Variants in LGSN observed in about 807,000 individuals in gnomAD.
LGSN encodes the protein lengsin, lens protein with glutamine synthetase domain.
A neutral mutation model predicts 19.5 loss-of-function variants in LGSN; 21 were observed. That is an observed-to-expected ratio of 1.07 (90% CI 0.76 to 1.55). The LOEUF (loss-of-function observed/expected upper bound fraction) is 1.55, where lower values mean the gene tolerates loss of function less well. LGSN is among the 40% of genes most tolerant of loss of function. The pLI, the probability that LGSN is intolerant of heterozygous loss-of-function variation, is 0.00. For synonymous variants in LGSN, 257 were observed against 215.6 expected, an observed-to-expected ratio of 1.19 and a Z score of -1.68; for missense variants, 673 against 608.5, an observed-to-expected ratio of 1.11 and a Z score of -1.12.
the LGSN span, chr6:63,571,328 A>T: frequency 1.3e-5 from 2 of 152,244 alleles, no homozygotes; most frequent in Non-Finnish European, 2.9e-5. Flanking sequence ...ATACTCGGTG[A>T]AAATAACAAA....
chr6:63,487,310 A>T, the LGSN span, among the ~76,000 whole-genome samples: 1 of 152,162 alleles, frequency 6.6e-6, no homozygotes, highest in Non-Finnish European at 1.5e-5. Context: ...CTGCCTTCTG[A>T]CACAGAAAGA....
the LGSN span, among the ~76,000 whole-genome samples, chr6:63,343,242 C>G: frequency 6.6e-6 from 1 of 152,112 alleles, no homozygotes; most frequent in Non-Finnish European, 1.5e-5. Context: ...GTCCTATTCA[C>G]GTTTTAACCC....
the LGSN span, among the ~76,000 whole-genome samples, chr6:63,390,716 G>A: frequency 4.0e-5 from 6 of 151,474 alleles, no homozygotes; most frequent in Non-Finnish European, 7.4e-5. Context: ...AAAAGTAGCC[G>A]GGCGAGGTGG....
the LGSN span, among the ~76,000 whole-genome samples, chr6:63,456,253 A>C: frequency 6.6e-6 from 1 of 150,456 alleles, no homozygotes; most frequent in Non-Finnish European, 1.5e-5. Context: ...AAGTTAAAAA[A>C]TTAAAACTCA....
the LGSN span, among the ~76,000 whole-genome samples, chr6:63,347,172 A>C: frequency 6.6e-6 from 1 of 152,214 alleles, no homozygotes; most frequent in Non-Finnish European, 1.5e-5. Flanking sequence ...ATCTGGTGTC[A>C]GAAGTGAGGA....
chr6:63,563,438 C>T, the LGSN span, among the ~76,000 whole-genome samples: 104 of 152,318 alleles, frequency 6.8e-4, 1 homozygote, highest in Admixed American at 1.6e-3. Context: ...CTTCCTCCCC[C>T]TCTTTTTGTG....
At chr6:63,508,780 G>C in the LGSN span, among the ~76,000 whole-genome samples, 1 of 151,630 alleles carries the variant, frequency 6.6e-6, no homozygotes, top group Non-Finnish European at 1.5e-5. Flanking sequence ...TTAGGCGGGC[G>C]TGGTGGTGCA....
the LGSN span, among the ~76,000 whole-genome samples, chr6:63,343,803 C>T: frequency 1.3e-5 from 2 of 152,136 alleles, no homozygotes; most frequent in Admixed American, 1.3e-4. Flanking sequence ...CTAATCATAT[C>T]CCATGAGCCT....
rs1299186005 is a variant in LGSN at position 63,281,152 on chromosome 6, A to G, written c.399T>C (p.Asn133=). 2 of 1,613,102 alleles carry G rather than the reference A, an allele frequency of 1.2e-6. No individual in the cohort carries two copies. The highest frequency in any genetic ancestry group is 1.7e-6 in the Non-Finnish European group (2 of 1,179,740). ...YLEVIPNPKD[N]EMNNIRATCF... ...ATGTGGCTCTTATGTTATTCATTTCATTGTCCTTTGGATTTGGTATCACTT... is the reference window on the plus strand; with the variant it reads ...ATGTGGCTCTTATGTTATTCATTTCGTTGTCCTTTGGATTTGGTATCACTT... Residue 133 remains asparagine, a synonymous_variant, in exon 4 of 4, where the codon AAT becomes AAC. Transcript: ENST00000370657.
At chr6:63,554,289 T>C in the LGSN span, among the ~76,000 whole-genome samples, 2 of 152,242 alleles carry the variant, frequency 1.3e-5, no homozygotes, top group Non-Finnish European at 2.9e-5. Context: ...TCAAAGTATA[T>C]GAAAAGCATT....
At chr6:63,430,487 C>T in the LGSN span, among the ~76,000 whole-genome samples, 1 of 152,090 alleles carries the variant, frequency 6.6e-6, no homozygotes, top group African/African-American at 2.4e-5. Flanking sequence ...CTCGTAGGTT[C>T]AAGCAATTCT....
chr6:63,573,514 G>C, the LGSN span: 1 of 152,198 alleles, frequency 6.6e-6, no homozygotes, highest in South Asian at 2.1e-4. Flanking sequence ...GGGGCGCAGC[G>C]GGCGTGCTCG....
intron 3 of LGSN, 75 bp downstream of exon 3, chr6:63,285,512 A>G (rs1055358275): frequency 8.6e-7 from 1 of 1,157,522 alleles, no homozygotes; most frequent in Non-Finnish European, 1.2e-6. Flanking sequence ...ACAAGAAAAT[A>G]AGAAAGAGTA....
the LGSN span, among the ~76,000 whole-genome samples, chr6:63,503,316 A>G: frequency 6.1e-4 from 93 of 152,346 alleles, no homozygotes; most frequent in African/African-American, 2.1e-3. Flanking sequence ...TAGTTCATTT[A>G]TGGAAAGGAA....
At chr6:63,413,558 G>A in the LGSN span, among the ~76,000 whole-genome samples, 1 of 152,110 alleles carries the variant, frequency 6.6e-6, no homozygotes, top group African/African-American at 2.4e-5. Flanking sequence ...AGATTCCTGT[G>A]CTGTATTTCT....
At chr6:63,357,356 G>A in the LGSN span, among the ~76,000 whole-genome samples, 12 of 152,172 alleles carry the variant, frequency 7.9e-5, no homozygotes, top group African/African-American at 2.7e-4. Flanking sequence ...CCAGTAATGG[G>A]ATGGCTGGGT....
chr6:63,308,842 G>C (rs755973271), intron 1 of LGSN, among the ~76,000 whole-genome samples: 6 of 152,148 alleles, frequency 3.9e-5, no homozygotes, highest in Non-Finnish European at 8.8e-5. Context: ...TGTGCCTTCA[G>C]TTACCTTTAA....
the LGSN span, among the ~76,000 whole-genome samples, chr6:63,460,269 C>A: frequency 4.0e-5 from 6 of 151,678 alleles, no homozygotes; most frequent in African/African-American, 1.5e-4. Flanking sequence ...CATTCCCTAG[C>A]TTTTATTACC....
At chr6:63,413,193 G>T in the LGSN span, among the ~76,000 whole-genome samples, 2 of 151,998 alleles carry the variant, frequency 1.3e-5, no homozygotes, top group Non-Finnish European at 2.9e-5. Context: ...TTATCATGGA[G>T]ATCTGTATAA....
Sources: gnomAD v4.1 joint callset for allele counts (sites outside exome capture counted in the v4.1 genomes callset) on GRCh38, gnomAD v4.1.1 for gene constraint, MANE v1.5 for transcripts, NCBI Gene and HGNC (gene_info 2026-07-23, HGNC 2026-07-21) for gene names.